The following PRKG1 variants were observed in gnomAD, a reference collection of about 807,000 sequenced individuals.
PRKG1 encodes the protein cGMP-dependent protein kinase 1.
PRKG1 carries 35 observed loss-of-function variants against 88.1 expected under a neutral mutation model. The ratio of observed to expected loss-of-function variants is 0.40; its 90% CI spans 0.30 to 0.53. PRKG1 has a LOEUF of 0.53. Ranked by LOEUF, PRKG1 falls within the 20% of genes least tolerant of loss-of-function variation. PRKG1 has a pLI of 0.59. For missense variants in PRKG1, 540 were observed against 839.8 expected (o/e 0.64, Z 4.41); for synonymous variants, 303 against 292.5 (o/e 1.04, Z -0.37).
chr10:51,235,996 C>T (rs752210686), intron 2 of PRKG1, among the ~76,000 whole-genome samples: 15 of 152,112 alleles, frequency 9.9e-5, no homozygotes, highest in South Asian at 2.1e-4. Flanking sequence ...TTGCTGGTCC[C>T]GCCCTTAGAG....
At chr10:51,248,660 A>G (rs1290156026) in intron 2 of PRKG1, among the ~76,000 whole-genome samples, 1 of 151,848 alleles carries the variant, frequency 6.6e-6, no homozygotes, top group African/African-American at 2.4e-5. Context: ...ATTGAACTGC[A>G]TTTATATATT....
intron 3 of PRKG1, among the ~76,000 whole-genome samples, chr10:51,533,953 G>T (rs369766539): frequency 6.6e-6 from 1 of 152,294 alleles, no homozygotes; most frequent in South Asian, 2.1e-4. Context: ...GATGGGAAAT[G>T]ATTTGTCCAA....
At chr10:52,134,425 AG>A (rs1293489470) in intron 8 of PRKG1, among the ~76,000 whole-genome samples, 1 of 152,124 alleles carries the variant, frequency 6.6e-6, no homozygotes, top group Admixed American at 6.6e-5. Flanking sequence ...CATATATTTA[AG>A]GCCATTAAAA....
intron 3 of PRKG1, among the ~76,000 whole-genome samples, chr10:51,713,338 ATT>A (rs1013381928): frequency 1.3e-5 from 2 of 152,214 alleles, no homozygotes; most frequent in Non-Finnish European, 2.9e-5. Flanking sequence ...TTTGTCATTT[ATT>A]GTATAGCACT....
intron 2 of PRKG1, among the ~76,000 whole-genome samples, chr10:51,425,042 T>C (rs996923644): frequency 1.3e-5 from 2 of 152,146 alleles, no homozygotes; most frequent in African/African-American, 4.8e-5. Context: ...CCCTTCCTTC[T>C]TCATATACCA....
intron 5 of PRKG1, among the ~76,000 whole-genome samples, chr10:51,992,322 C>T (rs1467257537): frequency 2.0e-5 from 3 of 152,082 alleles, no homozygotes; most frequent in Non-Finnish European, 4.4e-5. Context: ...TTCTTCACCT[C>T]CAATCTACTG....
intron 2 of PRKG1, among the ~76,000 whole-genome samples, chr10:51,178,153 T>C (rs978765896): frequency 6.6e-6 from 1 of 152,150 alleles, no homozygotes; most frequent in African/African-American, 2.4e-5. Flanking sequence ...GAAATGTTTC[T>C]ACGTAGATAT....
chr10:51,162,453 G>A (rs1846388036), intron 2 of PRKG1, among the ~76,000 whole-genome samples: 1 of 152,120 alleles, frequency 6.6e-6, no homozygotes, highest in African/African-American at 2.4e-5. Context: ...TTTGTGCTAA[G>A]GCTCCAAAAG....
intron 5 of PRKG1, among the ~76,000 whole-genome samples, chr10:51,965,198 C>A (rs552359698): frequency 6.6e-6 from 1 of 152,040 alleles, no homozygotes; most frequent in Admixed American, 6.6e-5. Context: ...AGCCTAGTTA[C>A]CATTAGTTAT....
chr10:52,118,028 G>C (rs996229870), intron 7 of PRKG1, among the ~76,000 whole-genome samples: 1 of 151,932 alleles, frequency 6.6e-6, no homozygotes, highest in African/African-American at 2.4e-5. Flanking sequence ...CAACACTATA[G>C]TAATATGCTT....
chr10:51,787,647 G>T (rs147214156), intron 3 of PRKG1, among the ~76,000 whole-genome samples: 4 of 152,204 alleles, frequency 2.6e-5, no homozygotes, highest in Non-Finnish European at 5.9e-5. Context: ...CAAATGGTGC[G>T]AGCAAATATT....
At chr10:51,872,540 C>G (rs909395396) in intron 4 of PRKG1, among the ~76,000 whole-genome samples, 2 of 152,136 alleles carry the variant, frequency 1.3e-5, no homozygotes, top group Non-Finnish European at 2.9e-5. Flanking sequence ...GATAAATTAA[C>G]TACAAGACTT....
chr10:52,148,437 A>G (rs977736296), intron 8 of PRKG1, among the ~76,000 whole-genome samples: 4 of 152,218 alleles, frequency 2.6e-5, no homozygotes, highest in Non-Finnish European at 5.9e-5. Flanking sequence ...TGAGGTTTCA[A>G]TGAGATCATG....
intron 3 of PRKG1, among the ~76,000 whole-genome samples, chr10:51,755,646 G>A (rs552910705): frequency 6.6e-6 from 1 of 152,240 alleles, no homozygotes; most frequent in East Asian, 1.9e-4. Flanking sequence ...GTGGTTAAAT[G>A]GAATCTAATC....
At chr10:51,436,582 A>C (rs1838938442) in intron 2 of PRKG1, among the ~76,000 whole-genome samples, 1 of 152,036 alleles carries the variant, frequency 6.6e-6, no homozygotes, top group Admixed American at 6.6e-5. Flanking sequence ...GCTCCTAATG[A>C]GTTCTTAAAA....
At chr10:51,249,309 G>C (rs10996321) in intron 2 of PRKG1, among the ~76,000 whole-genome samples, 6,208 of 151,902 alleles carry the variant, frequency 0.041, 177 homozygotes, top group Middle Eastern at 0.095. Flanking sequence ...ATATATTATA[G>C]AATTATCAAC....
chr10:51,635,246 T>C (rs1681961038), intron 3 of PRKG1, among the ~76,000 whole-genome samples: 1 of 122,936 alleles, frequency 8.1e-6, no homozygotes, highest in Admixed American at 8.8e-5. Flanking sequence ...TAGGTTGAAA[T>C]AGACTGGAAA....
intron 12 of PRKG1, among the ~76,000 whole-genome samples, chr10:52,279,736 ACT>A (rs2132445892): frequency 6.6e-6 from 1 of 152,252 alleles, no homozygotes; most frequent in Admixed American, 6.5e-5. Context: ...TTTGTTGTAC[ACT>A]GTCTATTAAT....
intron 3 of PRKG1, among the ~76,000 whole-genome samples, chr10:51,677,685 A>G (rs1840745873): frequency 6.6e-6 from 1 of 152,166 alleles, no homozygotes. Flanking sequence ...AGTTGCCACA[A>G]TGTCCAAAGA....
Sources: allele counts gnomAD v4.1 joint callset (sites outside exome capture counted in the v4.1 genomes callset), GRCh38; gene constraint gnomAD v4.1.1; transcripts MANE v1.5; gene names NCBI Gene and HGNC (gene_info 2026-07-23, HGNC 2026-07-21).